Variants in CDH23 observed in about 807,000 individuals in gnomAD.
The protein encoded by CDH23 is cadherin related 23.
CDH23 carries 189 observed loss-of-function variants against 317.1 expected under a neutral mutation model. The observed-to-expected ratio is 0.60, with a 90% CI of 0.53 to 0.67. The LOEUF (loss-of-function observed/expected upper bound fraction) is 0.67, where lower values mean the gene tolerates loss of function less well. Ranked by LOEUF, CDH23 falls within the 30% of genes least tolerant of loss-of-function variation. CDH23 has a pLI of 0.00. For synonymous variants in CDH23, 1,839 were observed against 1,876.8 expected (o/e 0.98, Z 0.52); for missense variants, 4,401 against 4,592.4 (o/e 0.96, Z 1.20).
chr10:71,622,634 C>G (rs1222778616), intron 11 of CDH23, among the ~76,000 whole-genome samples: 1 of 152,166 alleles, frequency 6.6e-6, no homozygotes, highest in Non-Finnish European at 1.5e-5. Context: ...CCCCGCTGAC[C>G]CAGATAGCTG....
rs577967137 is a variant in CDH23, at chr10:71,753,174, G to A, written c.4845+11253G>A. ...GGGTGCTGTCCAGCAAGCGATCTGC[G>A]TGTCTGTCCAGCAGATGGGGCCTCC... On this transcript the variant is annotated intron_variant, in intron 38 of 69. Coordinates refer to ENST00000224721, the MANE Select transcript of CDH23 (RefSeq NM_022124.6). Among the ~76,000 whole-genome samples, 25 of 152,268 alleles carry A rather than the reference G, an allele frequency of 1.6e-4. No homozygotes were observed. In the South Asian group the frequency reaches 3.9e-3, roughly 24 times the overall value.
Position 71,811,602 on chromosome 10 carries a change from C to T in CDH23, c.9278+12C>T, listed in dbSNP as rs1188673200. 1.2e-6 allele frequency: 2 copies of T among 1,613,754 alleles called. No homozygotes were observed. Among genetic ancestry groups the T allele is most frequent in the East Asian group, 2.2e-5 (1 of 44,884 alleles). ...TACTACAGGACTGTGTGAGTGTCCC[C>T]CACCCCTGCCATCAGGGGGCCGACC... On this transcript the variant is annotated intron_variant, in intron 64 of 69. Coordinates refer to ENST00000224721, the MANE Select transcript of CDH23 (RefSeq NM_022124.6).
Position 71,709,184 on chromosome 10 carries a change from G to A in CDH23, c.3193G>A (p.Ala1065Thr), listed in dbSNP as rs1300171512. ...VVGLDRETTA[A>T]YMLILEAIDN... The stretch of plus-strand genomic sequence containing the variant: ...GGGCCTGGACCGGGAGACCACAGCC[G>A]CCTACATGCTCATCCTGGAGGCCAT... The change falls in exon 27 of 70, where the codon GCC becomes ACC. Residue 1065 changes from alanine to threonine, a missense_variant. By Grantham distance (58) the Ala-to-Thr change is moderately conservative. Around this residue, in one of 3 missense-constraint regions of CDH23, gnomAD observed 3,068 missense variants for 3,203.3 expected, o/e 0.96. Transcript: ENST00000224721. 8 of 1,613,810 alleles carry A rather than the reference G, an allele frequency of 5.0e-6. No homozygotes were observed. Among genetic ancestry groups the A allele is most frequent in the Middle Eastern group, 1.6e-4 (1 of 6,080 alleles).
chr10:71,637,096 C>T (rs190974911), intron 11 of CDH23, among the ~76,000 whole-genome samples: 1 of 152,240 alleles, frequency 6.6e-6, no homozygotes, highest in Admixed American at 6.5e-5. Flanking sequence ...TGCCGAGGTC[C>T]CCTTTGCCAT....
At chr10:71,659,984 C>T (rs61852016) in intron 14 of CDH23, among the ~76,000 whole-genome samples, 22,128 of 124,786 alleles carry the variant, frequency 0.18, 2,152 homozygotes, top group Middle Eastern at 0.25. Flanking sequence ...TTTTTTTAGA[C>T]GGAGCCTCGC....
chr10:71,398,093 G>A (rs1847607657), intron 1 of CDH23, among the ~76,000 whole-genome samples: 1 of 152,202 alleles, frequency 6.6e-6, no homozygotes, highest in African/African-American at 2.4e-5. Flanking sequence ...GGCAGTGACG[G>A]CGCCAGCCGG....
At chr10:71,702,778 AG>A in intron 24 of CDH23, 84 bp downstream of exon 24, 2 of 1,519,284 alleles carry the variant, frequency 1.3e-6, no homozygotes, top group Non-Finnish European at 1.8e-6. Context: ...AAAACTTTGC[AG>A]GGCTGGGGCA....
chr10:71,488,510 G>A lies in CDH23; in HGVS notation c.146-21572G>A, dbSNP rs576175329. ...GTCAATCATTTCATCCCTCCAAACC[G>A]ATAGTATACCCATGATCCATCTGCT... On this transcript the variant is annotated intron_variant, in intron 3 of 69. Transcript: ENST00000224721. Among the ~76,000 whole-genome samples the A allele has an allele frequency of 1.9e-4, 29 of 152,214 alleles. 1 individual carries two copies. Among genetic ancestry groups the A allele is most frequent in the African/African-American group, 5.3e-4 (22 of 41,548 alleles).
At chr10:71,710,979 C>T (rs186385927) in intron 27 of CDH23, among the ~76,000 whole-genome samples, 37 of 152,230 alleles carry the variant, frequency 2.4e-4, no homozygotes, top group Admixed American at 1.9e-3. Context: ...AGACCTGTGC[C>T]GCCGGGTGCT....
chr10:71,675,029 G>C lies in CDH23; in HGVS notation c.1450-83G>C, dbSNP rs182632598. On this transcript the variant is annotated intron_variant, in intron 14 of 69. Transcript: ENST00000224721. ...AAATTCACCCTGGGCCAAAGGAGAC[G>C]TGCGAGAGGAACATGGGTTTCCTGT... 9.5e-6 allele frequency: 12 copies of C among 1,262,840 alleles called. No individual in the cohort carries two copies. The East Asian group carries it at 2.8e-4, about 30-fold the overall frequency. 78.2% of individuals were successfully genotyped at this position (1,262,840 alleles called of 1,614,324 possible). A position where few individuals can be genotyped will look rare whatever the true frequency, so the allele number is the denominator to read the frequency against.
chr10:71,436,907 G>A (rs544503092), intron 1 of CDH23, among the ~76,000 whole-genome samples: 1 of 152,182 alleles, frequency 6.6e-6, no homozygotes, highest in Non-Finnish European at 1.5e-5. Context: ...CCAATGCCTC[G>A]GTTTCTCCAC....
intron 30 of CDH23, among the ~76,000 whole-genome samples, chr10:71,726,698 A>T (rs551097839): frequency 6.6e-6 from 1 of 152,322 alleles, no homozygotes; most frequent in South Asian, 2.1e-4. Context: ...GCTGGTCAGT[A>T]CGCCCTCATC....
chr10:71,559,816 T>C (rs1857038865), intron 6 of CDH23, among the ~76,000 whole-genome samples: 1 of 152,226 alleles, frequency 6.6e-6, no homozygotes, highest in African/African-American at 2.4e-5. Flanking sequence ...AGAGAGCAAA[T>C]ACTGGTAGAA....
At position 71,491,578 on chromosome 10, in the gene CDH23, C is replaced by T. The variant is rs116148246; in HGVS notation, c.146-18504C>T. 7.3e-3 allele frequency among the ~76,000 whole-genome samples: 1,111 copies of T among 152,306 alleles called. 21 individuals are homozygous for T. The highest frequency in any genetic ancestry group is 0.031 in the Middle Eastern group (9 of 294). ...TTCTCTTTTTGACCTCAGCAGAGGC[C>T]ATACTCTACGCCCTTCATTTGTAAC... On this transcript the variant is annotated intron_variant, in intron 3 of 69. Coordinates refer to ENST00000224721, the MANE Select transcript of CDH23 (RefSeq NM_022124.6).
chr10:71,584,669 G>A (rs148277944), intron 9 of CDH23, among the ~76,000 whole-genome samples: 6 of 152,266 alleles, frequency 3.9e-5, no homozygotes, highest in East Asian at 1.9e-4. Context: ...CCATGGCCTA[G>A]TGGGGGACAG....
At position 71,690,453 on chromosome 10, in the gene CDH23, T is replaced by A; in HGVS notation, c.2060-15T>A. 1.3e-6 allele frequency: 2 copies of A among 1,557,072 alleles called. No homozygotes were observed. Among genetic ancestry groups the A allele is most frequent in the Non-Finnish European group, 1.7e-6 (2 of 1,143,972 alleles). On this transcript the variant is annotated splice_polypyrimidine_tract_variant and intron_variant, in intron 19 of 69. Coordinates refer to ENST00000224721, the MANE Select transcript of CDH23 (RefSeq NM_022124.6). The stretch of plus-strand genomic sequence containing the variant: ...GTGAGCAGCACCCCCTGCCCCCACC[T>A]TTTTCCCCCTGAAGGAGCCACGGTG...
chr10:71,701,089 C>A (rs942911031), intron 22 of CDH23, among the ~76,000 whole-genome samples: 1 of 152,204 alleles, frequency 6.6e-6, no homozygotes, highest in Non-Finnish European at 1.5e-5. Context: ...GCCACAGTGG[C>A]CTCTGCAATG....
At chr10:71,717,753 T>G (rs1178694053) in intron 28 of CDH23, 1 of 152,220 alleles carries the variant, frequency 6.6e-6, no homozygotes, top group East Asian at 1.9e-4. Context: ...TCTGTCAGTT[T>G]CCCAAGAGAA....
intron 38 of CDH23, among the ~76,000 whole-genome samples, chr10:71,767,123 A>C (rs1356991506): frequency 6.6e-6 from 1 of 152,206 alleles, no homozygotes; most frequent in Non-Finnish European, 1.5e-5. Flanking sequence ...GCACCCTCAG[A>C]TGTTTCTGTC....
Sources: gnomAD v4.1 joint callset for allele counts (sites outside exome capture counted in the v4.1 genomes callset) on GRCh38, gnomAD v4.1.1 for gene constraint, gnomAD v4.1.1 regional missense constraint, MANE v1.5 for transcripts, NCBI Gene and HGNC (gene_info 2026-07-23, HGNC 2026-07-21) for gene names.